The following MAP3K9 variants were observed in gnomAD, a reference collection of about 807,000 sequenced individuals.
MAP3K9 encodes mitogen-activated protein kinase kinase kinase 9.
Under a neutral mutation model 95.8 loss-of-function variants are expected in MAP3K9, and 46 were observed. The ratio of observed to expected loss-of-function variants is 0.48; its 90% CI spans 0.38 to 0.61. The LOEUF is 0.61. MAP3K9 is among the 20% of genes least tolerant of loss of function. MAP3K9 has a pLI of 0.00. For synonymous variants in MAP3K9, 533 were observed against 593.8 expected, an observed-to-expected ratio of 0.90 and a Z score of 1.49; for missense variants, 1,296 against 1,474.3, an observed-to-expected ratio of 0.88 and a Z score of 1.98.
intron 2 of MAP3K9, among the ~76,000 whole-genome samples, chr14:70,790,278 C>A (rs915099441): frequency 7.2e-5 from 11 of 152,226 alleles, no homozygotes; most frequent in African/African-American, 2.2e-4. Flanking sequence ...CCAGAACAAG[C>A]CCCGAAGTGG....
intron 5 of MAP3K9, among the ~76,000 whole-genome samples, chr14:70,744,355 G>C (rs1349578141): frequency 7.9e-5 from 12 of 151,630 alleles, no homozygotes; most frequent in Admixed American, 7.9e-4. Context: ...TAAATAAATA[G>C]TAAAAATAAA....
At chr14:70,743,141 C>G (rs2054099409) in intron 5 of MAP3K9, among the ~76,000 whole-genome samples, 2 of 151,940 alleles carry the variant, frequency 1.3e-5, no homozygotes, top group South Asian at 2.1e-4. Flanking sequence ...CATGTGCCAC[C>G]AAACCTAGCT....
At chr14:70,771,061 T>G (rs1350921278) in intron 2 of MAP3K9, among the ~76,000 whole-genome samples, 1 of 151,934 alleles carries the variant, frequency 6.6e-6, no homozygotes, top group African/African-American at 2.4e-5. Context: ...TTTTTTTTTT[T>G]GCTTTCCCTA....
chr14:70,751,492 G>A (rs1043791171), intron 3 of MAP3K9, among the ~76,000 whole-genome samples: 1 of 152,194 alleles, frequency 6.6e-6, no homozygotes, highest in African/African-American at 2.4e-5. Flanking sequence ...GCGGAAGCAG[G>A]CAGATCACTT....
chr14:70,722,674 A>G lies in MAP3K9; in HGVS notation c.*7706T>C, dbSNP rs1283096727. ...TAGTTAACAATTTACAGTACCTCGA[A>G]AGAAAAAAAAAAAAAAGCCAAAGGA... On this transcript the variant is annotated 3_prime_UTR_variant, in exon 12 of 12. Transcript: ENST00000554752. 6.6e-6 allele frequency: 1 copy of G among 151,266 alleles called. No individual in the cohort carries two copies. The highest frequency in any genetic ancestry group is 1.5e-5 in the Non-Finnish European group (1 of 67,856). 9.4% of individuals were successfully genotyped at this position (151,266 alleles called of 1,614,324 possible).
chr14:70,784,533 A>G (rs1442296188), intron 2 of MAP3K9, among the ~76,000 whole-genome samples: 1 of 152,192 alleles, frequency 6.6e-6, no homozygotes, highest in African/African-American at 2.4e-5. Flanking sequence ...ACTTGAGGAC[A>G]GGAGTTCAAG....
At chr14:70,782,664 G>A (rs768675816) in intron 2 of MAP3K9, among the ~76,000 whole-genome samples, 35 of 152,192 alleles carry the variant, frequency 2.3e-4, no homozygotes, top group Non-Finnish European at 4.9e-4. Flanking sequence ...TACCTCCTCA[G>A]GCCAAGACTA....
chr14:70,745,512 C>T (rs1409803299), intron 5 of MAP3K9, among the ~76,000 whole-genome samples: 2 of 152,062 alleles, frequency 1.3e-5, no homozygotes, highest in African/African-American at 2.4e-5. Flanking sequence ...CCGAGGCAGG[C>T]GGATCACCTG....
rs1387661138 is a variant in MAP3K9 at position 70,749,933 on chromosome 14, C to T, written c.1150G>A (p.Asp384Asn). The change falls in exon 4 of 12, where the codon GAC (aspartate) becomes AAC (asparagine). Residue 384 changes from aspartate (D) to asparagine (N), a missense_variant and splice_region_variant. Coordinates refer to ENST00000554752, the MANE Select transcript of MAP3K9 (RefSeq NM_001284230.2). ...TTGGTTCAGGCCAGGGCTTACTTAC[C>T]TTCCATGAGTTTGGCAAAAGGTTCT... is the stretch of plus-strand genomic sequence containing the variant. The part of the protein sequence containing the change: ...CPEPFAKLME[D>N]CWNPDPHSRP... 1 of 1,614,220 alleles carries T rather than the reference C, an allele frequency of 6.2e-7. No individual in the cohort carries two copies. Among genetic ancestry groups the T allele is most frequent in the Admixed American group, 1.7e-5 (1 of 60,028 alleles).
chr14:70,801,398 T>A (rs1057416631), intron 1 of MAP3K9, among the ~76,000 whole-genome samples: 2 of 152,200 alleles, frequency 1.3e-5, no homozygotes, highest in African/African-American at 4.8e-5. Flanking sequence ...GGTCCTTTTT[T>A]TTCTTTTCTT....
At chr14:70,791,098 C>G (rs554249303) in intron 2 of MAP3K9, among the ~76,000 whole-genome samples, 2 of 152,226 alleles carry the variant, frequency 1.3e-5, no homozygotes, top group East Asian at 3.9e-4. Flanking sequence ...AGGGAAGATA[C>G]AATAAAATGT....
intron 5 of MAP3K9, among the ~76,000 whole-genome samples, chr14:70,746,323 C>T (rs1341825535): frequency 6.6e-6 from 1 of 152,212 alleles, no homozygotes; most frequent in African/African-American, 2.4e-5. Flanking sequence ...AATGAGGAAA[C>T]TTGTGGAATA....
intron 2 of MAP3K9, among the ~76,000 whole-genome samples, chr14:70,787,853 T>C (rs1387964804): frequency 6.6e-6 from 1 of 151,800 alleles, no homozygotes; most frequent in African/African-American, 2.4e-5. Context: ...GTTGGCCACA[T>C]TGGAATTGCC....
intron 7 of MAP3K9, among the ~76,000 whole-genome samples, chr14:70,738,649 G>A (rs1180370899): frequency 6.6e-6 from 1 of 152,176 alleles, no homozygotes; most frequent in African/African-American, 2.4e-5. Flanking sequence ...TAAAGCTAGA[G>A]CTTAGGCCAG....
At chr14:70,778,064 C>T (rs1490702627) in intron 2 of MAP3K9, among the ~76,000 whole-genome samples, 1 of 151,308 alleles carries the variant, frequency 6.6e-6, no homozygotes, top group African/African-American at 2.4e-5. Flanking sequence ...GAACCTCTCT[C>T]TCTCCCTTTT....
At position 70,803,774 on chromosome 14, in the gene MAP3K9, T is replaced by A. The variant is rs117770018; in HGVS notation, c.407-2694A>T. Among the ~76,000 whole-genome samples the A allele has an allele frequency of 4.2e-3, 642 of 152,350 alleles. 4 individuals are homozygous for A. Among genetic ancestry groups the A allele is most frequent in the Non-Finnish European group, 7.4e-3 (504 of 68,032 alleles). ...CTTATCCAGCAATCTTCCTGAAGAA[T>A]GAATGTCATGGCAGAACATTGTAGA... On this transcript the variant is annotated intron_variant, in intron 1 of 11. Transcript: ENST00000554752.
chr14:70,750,962 A>G (rs896916915), intron 3 of MAP3K9, among the ~76,000 whole-genome samples: 2 of 152,228 alleles, frequency 1.3e-5, no homozygotes, highest in Non-Finnish European at 2.9e-5. Flanking sequence ...TAACCACTCA[A>G]AGCAGATTTT....
chr14:70,777,120 C>T (rs1008142946), intron 2 of MAP3K9, among the ~76,000 whole-genome samples: 1 of 152,138 alleles, frequency 6.6e-6, no homozygotes, highest in Admixed American at 6.5e-5. Context: ...CGTGAGCCAC[C>T]ACACCCGGCC....
intron 8 of MAP3K9, among the ~76,000 whole-genome samples, chr14:70,736,467 AG>A (rs2139715480): frequency 6.6e-6 from 1 of 152,336 alleles, no homozygotes; most frequent in South Asian, 2.1e-4. Context: ...CTGACATTAA[AG>A]GGGTCTTCAC....
Sources: gnomAD v4.1 joint callset for allele counts (sites outside exome capture counted in the v4.1 genomes callset) on GRCh38, gnomAD v4.1.1 for gene constraint, MANE v1.5 for transcripts, NCBI Gene and HGNC (gene_info 2026-07-23, HGNC 2026-07-21) for gene names.